Variants in GALNT14 observed in about 807,000 individuals in gnomAD.
The protein encoded by GALNT14 is UDP-GalNAc:polypeptide N-acetylgalactosaminyltransferase 14.
A neutral mutation model predicts 77.5 loss-of-function variants in GALNT14; 60 were observed. That is an observed-to-expected ratio of 0.77 (90% CI 0.63 to 0.96). GALNT14 has a LOEUF of 0.96. Ranked by LOEUF, GALNT14 falls within the 40% of genes least tolerant of loss-of-function variation. The pLI, the probability that GALNT14 is intolerant of heterozygous loss-of-function variation, is 0.00. For missense variants in GALNT14, 710 were observed against 731.0 expected (o/e 0.97, Z 0.33); for synonymous variants, 280 against 281.7 (o/e 0.99, Z 0.06).
chr2:31,023,274 C>T (rs1046672290), intron 1 of GALNT14, among the ~76,000 whole-genome samples: 1 of 152,014 alleles, frequency 6.6e-6, no homozygotes, highest in African/African-American at 2.4e-5. Flanking sequence ...AAAAATAATC[C>T]TAGTAAGTTA....
At chr2:30,968,243 C>G (rs916655889) in intron 2 of GALNT14, among the ~76,000 whole-genome samples, 1 of 152,198 alleles carries the variant, frequency 6.6e-6, no homozygotes, top group Admixed American at 6.5e-5. Flanking sequence ...TCAGGAAGTG[C>G]GTTCCTAGGT....
chr2:30,973,303 T>C (rs1668468436), intron 2 of GALNT14, among the ~76,000 whole-genome samples: 1 of 152,200 alleles, frequency 6.6e-6, no homozygotes, highest in Admixed American at 6.5e-5. Flanking sequence ...CAGATGGCTT[T>C]GTAGACAATG....
intron 1 of GALNT14, among the ~76,000 whole-genome samples, chr2:31,071,596 G>A (rs965953810): frequency 5.3e-5 from 8 of 152,096 alleles, no homozygotes; most frequent in African/African-American, 1.2e-4. Context: ...TGTGTGTCCC[G>A]GGCCTACCTC....
chr2:30,968,595 T>C (rs75794669), intron 2 of GALNT14, among the ~76,000 whole-genome samples: 3,551 of 152,186 alleles, frequency 0.023, 144 homozygotes, highest in East Asian at 0.21. Context: ...CATGAATGAG[T>C]CACCTTGGAA....
chr2:31,075,866 G>A lies in GALNT14; in HGVS notation c.129+62092C>T, dbSNP rs561444532. ...TTCTACAGACACATTCGTGAGTTAGGGAAAGAAATCTCTCTAAAGCACACT... is the reference window on the plus strand; with the variant it reads ...TTCTACAGACACATTCGTGAGTTAGAGAAAGAAATCTCTCTAAAGCACACT... On this transcript the variant is annotated intron_variant, in intron 1 of 14. Transcript: ENST00000349752. Among the ~76,000 whole-genome samples the A allele has an allele frequency of 1.1e-3, 162 of 152,324 alleles. 3 individuals carry two copies. The highest frequency in any genetic ancestry group is 6.0e-3 in the South Asian group (29 of 4,820).
chr2:31,137,944 G>C lies in GALNT14; in HGVS notation c.129+14C>G, dbSNP rs1187991148. The C allele has an allele frequency of 6.2e-7, 1 of 1,604,506 alleles. No individual in the cohort carries two copies. ...AGCCACCGCTCAGCGCCAGCGCGCC[G>C]GCAAGCCGCCTACCTTAGGGGTCTG... On this transcript the variant is annotated intron_variant, in intron 1 of 14. Transcript: ENST00000349752.
intron 8 of GALNT14, among the ~76,000 whole-genome samples, chr2:30,942,654 C>T (rs538960235): frequency 6.6e-6 from 1 of 152,332 alleles, no homozygotes; most frequent in East Asian, 1.9e-4. Flanking sequence ...GCCTCTTCCA[C>T]AGGCTCTGCA....
intron 6 of GALNT14, among the ~76,000 whole-genome samples, chr2:30,949,682 A>T (rs1666911376): frequency 6.6e-6 from 1 of 152,220 alleles, no homozygotes. Context: ...TTAAAACCAC[A>T]TTGTGAATGG....
intron 1 of GALNT14, among the ~76,000 whole-genome samples, chr2:31,024,357 G>A (rs772997378): frequency 1.8e-4 from 28 of 151,958 alleles, no homozygotes; most frequent in African/African-American, 2.4e-5. Context: ...ACTCACTCAC[G>A]GACAAGTCTT....
the GALNT14 span, among the ~76,000 whole-genome samples, chr2:30,892,824 T>G: frequency 6.6e-6 from 1 of 152,186 alleles, no homozygotes; most frequent in East Asian, 1.9e-4. Context: ...CCAGGTGTCT[T>G]GTGTCTTCTA....
intron 1 of GALNT14, among the ~76,000 whole-genome samples, chr2:31,005,172 T>A (rs1670594136): frequency 6.6e-6 from 1 of 152,158 alleles, no homozygotes; most frequent in Non-Finnish European, 1.5e-5. Context: ...TAGTAAACAT[T>A]ATGCATTTGT....
chr2:30,921,107 C>T (rs900368826), intron 13 of GALNT14, among the ~76,000 whole-genome samples: 10 of 152,168 alleles, frequency 6.6e-5, no homozygotes, highest in African/African-American at 2.4e-4. Context: ...GGGATGGGCA[C>T]TATTACCTTC....
At chr2:31,030,478 T>C (rs1327592825) in intron 1 of GALNT14, among the ~76,000 whole-genome samples, 2 of 152,156 alleles carry the variant, frequency 1.3e-5, no homozygotes, top group African/African-American at 2.4e-5. Flanking sequence ...AGTTCACTGC[T>C]AGTGTTTAAG....
At chr2:31,097,034 G>C (rs1247134153) in intron 1 of GALNT14, among the ~76,000 whole-genome samples, 1 of 152,110 alleles carries the variant, frequency 6.6e-6, no homozygotes, top group Admixed American at 6.6e-5. Context: ...CTAAATCAAA[G>C]AAAAACAGTC....
rs1573031494 is a variant in GALNT14, at chr2:30,955,736, A to G, written c.536T>C (p.Leu179Pro). 1 of 1,614,126 alleles carries G rather than the reference A, an allele frequency of 6.2e-7. No individual in the cohort carries two copies. Among genetic ancestry groups the G allele is most frequent in the East Asian group, 2.2e-5 (1 of 44,876 alleles). Residue 179 changes from leucine (L) to proline (P), a missense_variant, in exon 6 of 15, where the codon CTG becomes CCG. Transcript: ENST00000349752. ...AGCGCCCCGAATCCGGGACCGGACC[A>G]GACCTGCAGTCAGGAACAAATGACG... ...KCLRNNERQG[L>P]VRSRIRGADI...
chr2:30,978,675 T>C (rs1313544709), intron 2 of GALNT14, among the ~76,000 whole-genome samples: 1 of 152,226 alleles, frequency 6.6e-6, no homozygotes, highest in East Asian at 1.9e-4. Context: ...TCCCAATCCC[T>C]GATATTTTCA....
chr2:31,124,925 GCCACAAA>G (rs151072276), intron 1 of GALNT14, among the ~76,000 whole-genome samples: 11,741 of 152,216 alleles, frequency 0.077, 979 homozygotes, highest in African/African-American at 0.21. Flanking sequence ...AATAACGGAG[GCCACAAA>G]CCAGGTCTTC....
intron 1 of GALNT14, among the ~76,000 whole-genome samples, chr2:31,002,039 C>A (rs1044254623): frequency 2.0e-5 from 3 of 152,068 alleles, no homozygotes; most frequent in Non-Finnish European, 4.4e-5. Flanking sequence ...GTTTTTACTA[C>A]CCCTATGAAG....
At chr2:30,972,210 G>A (rs908496958) in intron 2 of GALNT14, among the ~76,000 whole-genome samples, 7 of 152,216 alleles carry the variant, frequency 4.6e-5, no homozygotes, top group Admixed American at 6.5e-5. Flanking sequence ...AAGAGAAGCC[G>A]CTCTGGCTTC....
Sources: gnomAD v4.1 joint callset for allele counts (sites outside exome capture counted in the v4.1 genomes callset) on GRCh38, gnomAD v4.1.1 for gene constraint, MANE v1.5 for transcripts, NCBI Gene and HGNC (gene_info 2026-07-23, HGNC 2026-07-21) for gene names.